CACNA2D4: variants seen among roughly 807,000 people sequenced by gnomAD.
The protein encoded by CACNA2D4 is voltage-dependent calcium channel subunit alpha-2/delta-4.
In CACNA2D4, 157 loss-of-function variants were observed where a neutral mutation model predicts 163.8. The observed-to-expected ratio is 0.96, with a 90% confidence interval of 0.84 to 1.09. The LOEUF (loss-of-function observed/expected upper bound fraction) is 1.09, where lower values mean the gene tolerates loss of function less well. Among genes scored for constraint, CACNA2D4 ranks in the 50% least tolerant of loss-of-function variants. The pLI is 0.00. For synonymous variants in CACNA2D4, 598 were observed against 586.9 expected, an observed-to-expected ratio of 1.02 and a Z score of -0.27; for missense variants, 1,410 against 1,479.9, an observed-to-expected ratio of 0.95 and a Z score of 0.78.
intron 18 of CACNA2D4, among the ~76,000 whole-genome samples, chr12:1,872,325 T>C (rs1865804279): frequency 6.6e-6 from 1 of 152,136 alleles, no homozygotes; most frequent in Admixed American, 6.5e-5. Context: ...GGTTTCTGGG[T>C]TTGTGAGTCC....
At chr12:1,824,551 T>C (rs1864239511) in intron 26 of CACNA2D4, among the ~76,000 whole-genome samples, 1 of 152,160 alleles carries the variant, frequency 6.6e-6, no homozygotes, top group Non-Finnish European at 1.5e-5. Flanking sequence ...AGGACTGGGT[T>C]AGGAGCAGGC....
At chr12:1,796,081 G>T in intron 35 of CACNA2D4, 1 of 323,036 alleles carries the variant, frequency 3.1e-6, no homozygotes, top group Non-Finnish European at 5.8e-6. Context: ...GGGACGACAG[G>T]CGTAAATCAA....
intron 1 of CACNA2D4, 95 bp from the exon 2 acceptor site, chr12:1,915,030 C>T: frequency 1.1e-6 from 1 of 898,780 alleles, no homozygotes; most frequent in Non-Finnish European, 1.9e-6. Flanking sequence ...ACATAGAAAG[C>T]CAGTGTCTAC....
Position 1,797,539 on chromosome 12 carries a change from C to T in CACNA2D4, c.2996-4G>A. On this transcript the variant is annotated splice_region_variant and splice_polypyrimidine_tract_variant and intron_variant, in intron 34 of 37. Transcript: ENST00000382722. ...TCCTGCTTCTTGTGTTTGTGGGCTGCGGGCGGAGAAAGGACATCACGCCAC... is the reference window on the plus strand; with the variant it reads ...TCCTGCTTCTTGTGTTTGTGGGCTGTGGGCGGAGAAAGGACATCACGCCAC... 3.9e-6 allele frequency: 6 copies of T among 1,554,858 alleles called. No homozygotes were observed. Among genetic ancestry groups the T allele is most frequent in the Non-Finnish European group, 5.2e-6 (6 of 1,150,286 alleles).
chr12:1,910,611 A>G (rs950994688), intron 3 of CACNA2D4, among the ~76,000 whole-genome samples: 4 of 152,238 alleles, frequency 2.6e-5, no homozygotes, highest in African/African-American at 4.8e-5. Context: ...AATATCTGTC[A>G]TTTGATAAAC....
At chr12:1,886,651 A>AG (rs1307249111) in intron 7 of CACNA2D4, among the ~76,000 whole-genome samples, 1 of 152,170 alleles carries the variant, frequency 6.6e-6, no homozygotes, top group African/African-American at 2.4e-5. Flanking sequence ...GGGGTCCCTG[A>AG]GGGGCTGGCA....
chr12:1,882,923 T>C lies in CACNA2D4; in HGVS notation c.1429A>G (p.Met477Val), dbSNP rs745546432. 1.9e-6 allele frequency: 3 copies of C among 1,613,706 alleles called. No homozygotes were observed. Among genetic ancestry groups the C allele is most frequent in the Middle Eastern group, 1.6e-4 (1 of 6,062 alleles). Reference sequence around the variant, plus strand: ...ATGTCGTGGTCGTGGTTGATGACCATGGGGCGGCTGAGCACGTGCAGGTAT... The same window carrying C: ...ATGTCGTGGTCGTGGTTGATGACCACGGGGCGGCTGAGCACGTGCAGGTAT... ...MEYLHVLSRP[M>V]VINHDHDIIW... Residue 477 changes from methionine (M) to valine (V), a missense_variant, in exon 13 of 38, where the codon ATG (methionine) becomes GTG (valine). By Grantham distance (21) the Met-to-Val change is conservative. Transcript: ENST00000382722.
intron 26 of CACNA2D4, among the ~76,000 whole-genome samples, chr12:1,832,183 G>A (rs376892738): frequency 1.5e-4 from 23 of 152,212 alleles, no homozygotes; most frequent in African/African-American, 5.1e-4. Flanking sequence ...AGGAGGGTGC[G>A]CAAGATGGTG....
In CACNA2D4 at chr12:1,799,675, A is replaced by G. The variant is rs1863244431; in HGVS notation, c.2995T>C (p.Ser999Pro). The G allele has an allele frequency of 3.2e-6, 5 of 1,570,464 alleles. No homozygotes were observed. The highest frequency in any genetic ancestry group is 2.7e-5 in the African/African-American group (2 of 73,798). ...GGATGGCCTCAGCTGGGCTACTTAC[A>G]GTGATGGAAGACACTTTTGGCTGGC... Reference protein sequence around the residue: ...GAEAKSVFHHSHKHKKQDPLQ... With the variant: ...GAEAKSVFHHPHKHKKQDPLQ... The change falls in exon 34 of 38, where the codon TCC (serine) becomes CCC (proline). Residue 999 changes from serine to proline, a missense_variant and splice_region_variant. Ser to Pro is a moderately conservative substitution (Grantham distance 74, BLOSUM62 -1). Transcript: ENST00000382722. This position sits in a 1 kb window ranked among gnomAD's most constrained non-coding sequence, Gnocchi z 4.7.
At chr12:1,863,444 C>G (rs1218336618) in intron 18 of CACNA2D4, among the ~76,000 whole-genome samples, 1 of 152,310 alleles carries the variant, frequency 6.6e-6, no homozygotes, top group South Asian at 2.1e-4. Context: ...TTAGAACCAG[C>G]TTGTCTGTTT....
At chr12:1,816,863 C>A (rs142303808) in intron 26 of CACNA2D4, among the ~76,000 whole-genome samples, 1 of 152,176 alleles carries the variant, frequency 6.6e-6, no homozygotes, top group Admixed American at 6.5e-5. Flanking sequence ...CACAGGCATA[C>A]GCACACACTT....
intron 18 of CACNA2D4, among the ~76,000 whole-genome samples, chr12:1,870,640 C>T (rs1442608836): frequency 6.6e-6 from 1 of 151,812 alleles, no homozygotes; most frequent in Non-Finnish European, 1.5e-5. Context: ...GTATTTTGTT[C>T]AGAGTTTATA....
chr12:1,914,863 CAAGA>C lies in CACNA2D4; in HGVS notation c.296_299del (p.Leu99ArgfsTer13), dbSNP rs2154453054. ...GAAGGGGGTGACTGACCTTCTGCAGCAAGAGAGAGCCTGAGTATTTGGTCACAGT... is the reference window on the plus strand; with the variant it reads ...GAAGGGGGTGACTGACCTTCTGCAGCGAGAGCCTGAGTATTTGGTCACAGT... On this transcript the variant is annotated frameshift_variant, in exon 2 of 38. Transcript: ENST00000382722. LOFTEE classifies it high-confidence loss of function. The C allele has an allele frequency of 6.2e-7, 1 of 1,613,096 alleles. No individual in the cohort carries two copies. The highest frequency in any genetic ancestry group is 8.5e-7 in the Non-Finnish European group (1 of 1,179,084).
intron 14 of CACNA2D4, among the ~76,000 whole-genome samples, chr12:1,879,268 G>A (rs1865943037): frequency 6.6e-6 from 1 of 152,168 alleles, no homozygotes; most frequent in Non-Finnish European, 1.5e-5. Context: ...TATTTAAGTT[G>A]TAATATTTAA....
chr12:1,794,898 T>C (rs1258809600), intron 37 of CACNA2D4, among the ~76,000 whole-genome samples: 2 of 151,966 alleles, frequency 1.3e-5, no homozygotes, highest in Non-Finnish European at 2.9e-5. Flanking sequence ...TAACTTGGTG[T>C]TTCCTGTGGC....
intron 26 of CACNA2D4, chr12:1,827,959 G>A (rs1864421413): frequency 1.2e-5 from 5 of 422,782 alleles, no homozygotes; most frequent in South Asian, 1.7e-4. Flanking sequence ...AATCATAACT[G>A]AGAGGAACAG....
At chr12:1,808,489 T>G (rs555618114) in intron 29 of CACNA2D4, among the ~76,000 whole-genome samples, 89 of 152,340 alleles carry the variant, frequency 5.8e-4, no homozygotes, top group African/African-American at 2.1e-3. Flanking sequence ...CATGGCTGCT[T>G]TCTTGCTACA....
Position 1,793,509 on chromosome 12 carries a change from A to G in CACNA2D4, c.*146T>C. 1.4e-6 allele frequency: 1 copy of G among 713,008 alleles called. No homozygotes were observed. The allele number at this position is 713,008 out of a possible 1,614,324, so 44.2% of individuals were successfully genotyped here. On this transcript the variant is annotated 3_prime_UTR_variant, in exon 38 of 38. Coordinates refer to ENST00000382722, the MANE Select transcript of CACNA2D4 (RefSeq NM_172364.5). ...TCCTGTTCCATCCAGCATTCTCCGG[A>G]GCCAGGGGCCACCAGCCCAGGATTG... is the stretch of plus-strand genomic sequence containing the variant.
intron 26 of CACNA2D4, among the ~76,000 whole-genome samples, chr12:1,830,026 C>T (rs1389708912): frequency 6.6e-6 from 1 of 152,168 alleles, no homozygotes; most frequent in Admixed American, 6.5e-5. Flanking sequence ...AGACAGGACC[C>T]CATGCTCGCT....
Sources: gnomAD v4.1 joint callset for allele counts (sites outside exome capture counted in the v4.1 genomes callset) on GRCh38, gnomAD v4.1.1 for gene constraint, Gnocchi (gnomAD v3.1) non-coding constraint, MANE v1.5 for transcripts, NCBI Gene and HGNC (gene_info 2026-07-23, HGNC 2026-07-21) for gene names.